Variants in OCA2 observed in about 807,000 individuals in gnomAD.
OCA2 encodes the protein P protein.
A neutral mutation model predicts 100.2 loss-of-function variants in OCA2; 77 were observed. The ratio of observed to expected loss-of-function variants is 0.77; its 90% CI spans 0.64 to 0.93. The LOEUF (loss-of-function observed/expected upper bound fraction) is 0.93. Among genes scored for constraint, OCA2 ranks in the 40% least tolerant of loss-of-function variants. OCA2 has a pLI of 0.00. For missense variants in OCA2, 1,062 were observed against 1,089.1 expected (o/e 0.98, Z 0.35); for synonymous variants, 432 against 439.2 (o/e 0.98, Z 0.21).
the OCA2 span, among the ~76,000 whole-genome samples, chr15:27,726,340 T>TAAATAAAA: frequency 5.6e-5 from 8 of 142,406 alleles, no homozygotes; most frequent in Admixed American, 5.6e-4. Context: ...AATAAATAAA[T>TAAATAAAA]AAAAATAGTT....
intron 19 of OCA2, among the ~76,000 whole-genome samples, chr15:27,886,803 A>C (rs990015026): frequency 6.6e-6 from 1 of 152,172 alleles, no homozygotes; most frequent in Non-Finnish European, 1.5e-5. Context: ...ACTCCTGCCA[A>C]GCACACCTAT....
the OCA2 span, among the ~76,000 whole-genome samples, chr15:27,741,844 T>A: frequency 6.6e-6 from 1 of 152,236 alleles, no homozygotes; most frequent in Non-Finnish European, 1.5e-5. Context: ...TATTCAAATG[T>A]GTCATACAAA....
At chr15:28,094,140 C>A (rs2044923360) in intron 1 of OCA2, among the ~76,000 whole-genome samples, 1 of 152,140 alleles carries the variant, frequency 6.6e-6, no homozygotes, top group Non-Finnish European at 1.5e-5. Context: ...GACCCCAACA[C>A]CCTAGCACAC....
At chr15:28,018,678 C>A (rs775532994) in intron 6 of OCA2, 121 bp from the exon 7 acceptor site, 11 of 902,694 alleles carry the variant, frequency 1.2e-5, no homozygotes, top group Non-Finnish European at 1.8e-5. Context: ...AGGTGCCCCA[C>A]GCCCTTGGCC....
At chr15:27,837,416 T>G (rs1052958155) in intron 23 of OCA2, among the ~76,000 whole-genome samples, 1 of 152,120 alleles carries the variant, frequency 6.6e-6, no homozygotes, top group African/African-American at 2.4e-5. Flanking sequence ...AGCCTGCCTT[T>G]CGACATAACT....
chr15:27,800,777 C>A (rs1006470467), intron 23 of OCA2, among the ~76,000 whole-genome samples: 17 of 140,388 alleles, frequency 1.2e-4, no homozygotes, highest in African/African-American at 2.9e-4. Flanking sequence ...CCAGCCTGGG[C>A]AACATGGTAA....
chr15:27,844,341 G>A (rs1156952051), intron 23 of OCA2, among the ~76,000 whole-genome samples: 1 of 152,206 alleles, frequency 6.6e-6, no homozygotes, highest in East Asian at 1.9e-4. Flanking sequence ...CAGGGACTGT[G>A]CAATCCAGCA....
chr15:28,022,798 G>A (rs1298738808), intron 5 of OCA2, among the ~76,000 whole-genome samples: 1 of 152,136 alleles, frequency 6.6e-6, no homozygotes, highest in Admixed American at 6.5e-5. Context: ...CAAATTTAAG[G>A]ATTAAATGCC....
intron 14 of OCA2, among the ~76,000 whole-genome samples, chr15:27,969,548 C>A (rs942260341): frequency 6.6e-6 from 1 of 152,322 alleles, no homozygotes; most frequent in African/African-American, 2.4e-5. Flanking sequence ...CAATTCAGCG[C>A]CTAAATGCGC....
intron 23 of OCA2, among the ~76,000 whole-genome samples, chr15:27,824,602 C>CTCTATATATATATATATATA: frequency 2.1e-5 from 1 of 47,592 alleles, no homozygotes; most frequent in Non-Finnish European, 3.1e-5. Flanking sequence ...CTCTCTCTCT[C>CTCTATATATATATATATATA]TATATATATA....
At chr15:27,949,386 G>A (rs987057035) in intron 18 of OCA2, among the ~76,000 whole-genome samples, 1 of 152,198 alleles carries the variant, frequency 6.6e-6, no homozygotes, top group Non-Finnish European at 1.5e-5. Context: ...CTTCTGGCCG[G>A]GCATAGTAGC....
chr15:27,915,224 G>A (rs908035554), intron 19 of OCA2, among the ~76,000 whole-genome samples: 1 of 152,102 alleles, frequency 6.6e-6, no homozygotes, highest in African/African-American at 2.4e-5. Context: ...ATGGATCAAA[G>A]ATTTTAATTT....
chr15:27,944,543 C>T (rs1440574637), intron 18 of OCA2, among the ~76,000 whole-genome samples: 1 of 152,144 alleles, frequency 6.6e-6, no homozygotes, highest in Non-Finnish European at 1.5e-5. Flanking sequence ...TATTGGAGAG[C>T]CTAAGACTGG....
intron 23 of OCA2, among the ~76,000 whole-genome samples, chr15:27,804,065 A>T (rs2033724628): frequency 6.6e-6 from 1 of 152,248 alleles, no homozygotes; most frequent in South Asian, 2.1e-4. Flanking sequence ...AAGTATTTGT[A>T]ATTTATTGTA....
In OCA2 at chr15:27,957,737, T is replaced by C. The variant is rs1595717218; in HGVS notation, c.1637-2A>G. On this transcript the variant is annotated splice_acceptor_variant, in intron 15 of 23. Coordinates refer to ENST00000354638, the MANE Select transcript of OCA2 (RefSeq NM_000275.3). LOFTEE classifies it high-confidence loss of function. This position sits in a 1 kb window ranked among gnomAD's most constrained non-coding sequence, Gnocchi z 4.3. ...AGACGTGAATCTCGTGCTTCAGTTC[T>C]GCAGAGAAAGGAAGGCGAAGCTTGG... 1.2e-6 allele frequency: 2 copies of C among 1,613,144 alleles called. No homozygotes were observed. The highest frequency in any genetic ancestry group is 2.2e-5 in the East Asian group (1 of 44,854).
intron 8 of OCA2, among the ~76,000 whole-genome samples, chr15:28,015,826 T>C (rs2042373000): frequency 6.6e-6 from 1 of 152,196 alleles, no homozygotes; most frequent in South Asian, 2.1e-4. Context: ...GAATTCTCCA[T>C]TGTACAGCTT....
intron 19 of OCA2, among the ~76,000 whole-genome samples, chr15:27,883,567 C>T (rs1234921230): frequency 6.6e-6 from 1 of 152,176 alleles, no homozygotes; most frequent in Non-Finnish European, 1.5e-5. Flanking sequence ...CTGCGGATCC[C>T]TCATCAGGGC....
At position 27,883,565 on chromosome 15, in the gene OCA2, C is replaced by T. The variant is rs547991700; in HGVS notation, c.2080-11643G>A. On this transcript the variant is annotated intron_variant, in intron 19 of 23. Coordinates refer to ENST00000354638, the MANE Select transcript of OCA2 (RefSeq NM_000275.3). ...CTGGGACCTCACGCCCCCTGCGGATCCCTCATCAGGGCGAGGGAGATCAAC... is the reference window on the plus strand; with the variant it reads ...CTGGGACCTCACGCCCCCTGCGGATTCCTCATCAGGGCGAGGGAGATCAAC... Among the ~76,000 whole-genome samples, 4 of 152,276 alleles carry T rather than the reference C, an allele frequency of 2.6e-5. No homozygotes were observed. In the South Asian group the frequency reaches 8.3e-4, roughly 32 times the overall value.
chr15:28,079,729 T>C (rs2044555989), intron 2 of OCA2, among the ~76,000 whole-genome samples: 1 of 152,168 alleles, frequency 6.6e-6, no homozygotes, highest in South Asian at 2.1e-4. Flanking sequence ...ACACTCAGCC[T>C]AGGTAGTTGC....
Sources: allele counts gnomAD v4.1 joint callset (sites outside exome capture counted in the v4.1 genomes callset), GRCh38; gene constraint gnomAD v4.1.1; non-coding constraint Gnocchi (gnomAD v3.1); transcripts MANE v1.5; gene names NCBI Gene and HGNC (gene_info 2026-07-23, HGNC 2026-07-21).